Variants in KIF6 observed in about 807,000 individuals in gnomAD.
The protein encoded by KIF6 is kinesin family member 6.
Under a neutral mutation model 112.7 loss-of-function variants are expected in KIF6, and 106 were observed. The ratio of observed to expected loss-of-function variants is 0.94; its 90% CI spans 0.80 to 1.11. KIF6 has a LOEUF of 1.11. Ranked by LOEUF, KIF6 falls within the 50% of genes least tolerant of loss-of-function variation. KIF6 has a pLI of 0.00. For missense variants in KIF6, 929 were observed against 964.0 expected, an observed-to-expected ratio of 0.96 and a Z score of 0.48; for synonymous variants, 339 against 339.9, an observed-to-expected ratio of 1.00 and a Z score of 0.03.
At chr6:39,576,530 C>T (rs1464874393) in intron 10 of KIF6, among the ~76,000 whole-genome samples, 2 of 152,142 alleles carry the variant, frequency 1.3e-5, no homozygotes, top group African/African-American at 4.8e-5. Context: ...ATAACTTCAG[C>T]CAACAGGAAG....
At chr6:39,543,476 A>AT (rs1446863335) in intron 12 of KIF6, among the ~76,000 whole-genome samples, 2 of 152,188 alleles carry the variant, frequency 1.3e-5, no homozygotes, top group Non-Finnish European at 2.9e-5. Flanking sequence ...TACTCAAGTA[A>AT]AATTAGAGAC....
At chr6:39,383,785 G>C (rs1306579002) in intron 16 of KIF6, among the ~76,000 whole-genome samples, 1 of 152,196 alleles carries the variant, frequency 6.6e-6, no homozygotes, top group Non-Finnish European at 1.5e-5. Flanking sequence ...CAATTCATGA[G>C]CATGGAATGC....
chr6:39,585,299 C>T (rs1025441718), intron 8 of KIF6, among the ~76,000 whole-genome samples: 2 of 152,150 alleles, frequency 1.3e-5, no homozygotes, highest in African/African-American at 4.8e-5. Context: ...GAGCGGGCAA[C>T]CTAGATCCCT....
chr6:39,637,022 TTGC>T (rs1489756043), intron 4 of KIF6, among the ~76,000 whole-genome samples: 3 of 152,106 alleles, frequency 2.0e-5, no homozygotes, highest in Non-Finnish European at 4.4e-5. Flanking sequence ...CTAATCATTG[TTGC>T]TGCTGTTGCT....
chr6:39,400,999 T>C (rs2150339063), intron 15 of KIF6, among the ~76,000 whole-genome samples: 1 of 152,318 alleles, frequency 6.6e-6, no homozygotes, highest in African/African-American at 2.4e-5. Context: ...AATGTGGCAG[T>C]GTTTAGAGGA....
rs139423484 is a variant in KIF6, at chr6:39,539,536, G to A, written c.1645+467C>T. Among the ~76,000 whole-genome samples the A allele has an allele frequency of 3.5e-3, 534 of 152,154 alleles. 3 individuals carry two copies. Among genetic ancestry groups the A allele is most frequent in the African/African-American group, 0.012 (512 of 41,518 alleles). On this transcript the variant is annotated intron_variant, in intron 13 of 22. Transcript: ENST00000287152. ...TTTTTGCACTTTTTAGTAGAGATAGGGTTTCACCATATTGGCCAGGCTGGT... is the reference window on the plus strand; with the variant it reads ...TTTTTGCACTTTTTAGTAGAGATAGAGTTTCACCATATTGGCCAGGCTGGT...
chr6:39,634,993 T>A lies in KIF6; in HGVS notation c.400-35A>T, dbSNP rs528479824. On this transcript the variant is annotated intron_variant, in intron 4 of 22. Coordinates refer to ENST00000287152, the MANE Select transcript of KIF6 (RefSeq NM_145027.6). Reference sequence around the variant, plus strand: ...AAAGGGAAAGGTATTATTTATCGGTTATAACAATGATTCTGCTTAGATGAA... The same window carrying A: ...AAAGGGAAAGGTATTATTTATCGGTAATAACAATGATTCTGCTTAGATGAA... 5.8e-5 allele frequency: 66 copies of A among 1,139,444 alleles called. 1 individual carries two copies. In the South Asian group the frequency reaches 8.2e-4, roughly 14 times the overall value. 70.6% of individuals were successfully genotyped at this position (1,139,444 alleles called of 1,614,324 possible). A position where few individuals can be genotyped will look rare whatever the true frequency, so the allele number is the denominator to read the frequency against.
intron 19 of KIF6, among the ~76,000 whole-genome samples, chr6:39,347,885 GC>G (rs753536745): frequency 1.3e-5 from 2 of 152,206 alleles, no homozygotes; most frequent in Non-Finnish European, 2.9e-5. Flanking sequence ...GCCTGGGGAA[GC>G]CCCCCCTCAC....
intron 7 of KIF6, among the ~76,000 whole-genome samples, chr6:39,590,149 G>A (rs1447326531): frequency 6.6e-6 from 1 of 152,080 alleles, no homozygotes; most frequent in East Asian, 1.9e-4. Flanking sequence ...TAAGAACAAA[G>A]AGGACAGATT....
intron 15 of KIF6, among the ~76,000 whole-genome samples, chr6:39,404,771 C>T (rs193044095): frequency 9.2e-5 from 14 of 152,188 alleles, no homozygotes; most frequent in African/African-American, 1.9e-4. Flanking sequence ...GAATTGACAT[C>T]GTTCCTATAT....
intron 13 of KIF6, among the ~76,000 whole-genome samples, chr6:39,513,041 A>C (rs1776865515): frequency 6.6e-6 from 1 of 152,200 alleles, no homozygotes; most frequent in Non-Finnish European, 1.5e-5. Context: ...TAATTTGCCC[A>C]AAATCACACA....
intron 14 of KIF6, among the ~76,000 whole-genome samples, chr6:39,421,184 GT>G (rs1280693386): frequency 1.3e-5 from 2 of 152,362 alleles, no homozygotes; most frequent in African/African-American, 4.8e-5. Flanking sequence ...TGACTAGGGA[GT>G]GGCCTGTCCA....
chr6:39,548,399 T>C lies in KIF6; in HGVS notation c.1182-2711A>G, dbSNP rs1483131611. ...ATGATCCAAAGAAATGGGCAAGAAC[T>C]TCTGCCTGAGTAAAAGAACTGATCG... On this transcript the variant is annotated intron_variant, in intron 10 of 22. Coordinates refer to ENST00000287152, the MANE Select transcript of KIF6 (RefSeq NM_145027.6). Among the ~76,000 whole-genome samples the C allele has an allele frequency of 1.3e-5, 2 of 152,314 alleles. 1 individual carries two copies. Among genetic ancestry groups the C allele is most frequent in the South Asian group, 4.1e-4 (2 of 4,826 alleles).
At chr6:39,565,620 T>C (rs898270869) in intron 10 of KIF6, among the ~76,000 whole-genome samples, 1 of 152,182 alleles carries the variant, frequency 6.6e-6, no homozygotes, top group African/African-American at 2.4e-5. Flanking sequence ...GTTAAGTTCT[T>C]CACTAATACA....
At chr6:39,671,962 A>G (rs1234591309) in intron 3 of KIF6, among the ~76,000 whole-genome samples, 1 of 152,166 alleles carries the variant, frequency 6.6e-6, no homozygotes, top group Non-Finnish European at 1.5e-5. Context: ...TCAGTGTGTG[A>G]ATGCACCCTG....
At chr6:39,591,948 C>G (rs1196952101) in intron 7 of KIF6, among the ~76,000 whole-genome samples, 1 of 151,740 alleles carries the variant, frequency 6.6e-6, no homozygotes, top group Non-Finnish European at 1.5e-5. Flanking sequence ...CCATCTTTAC[C>G]AAAAATACAA....
At chr6:39,587,298 G>A (rs940855974) in intron 7 of KIF6, among the ~76,000 whole-genome samples, 1 of 152,208 alleles carries the variant, frequency 6.6e-6, no homozygotes, top group Non-Finnish European at 1.5e-5. Flanking sequence ...CCTAGCTCCT[G>A]AGAATACCTC....
At chr6:39,451,869 G>A (rs1306382315) in intron 13 of KIF6, among the ~76,000 whole-genome samples, 1 of 152,144 alleles carries the variant, frequency 6.6e-6, no homozygotes, top group Non-Finnish European at 1.5e-5. Flanking sequence ...TGAATGAAAG[G>A]AAGCACCCAA....
intron 15 of KIF6, among the ~76,000 whole-genome samples, chr6:39,418,633 A>T (rs1310195147): frequency 6.6e-6 from 1 of 152,052 alleles, no homozygotes; most frequent in African/African-American, 2.4e-5. Flanking sequence ...ATACAGGGGC[A>T]TTTCTCTCCT....
Sources: gnomAD v4.1 joint callset for allele counts (sites outside exome capture counted in the v4.1 genomes callset) on GRCh38, gnomAD v4.1.1 for gene constraint, MANE v1.5 for transcripts, NCBI Gene and HGNC (gene_info 2026-07-23, HGNC 2026-07-21) for gene names.